Variants in FNDC3B observed in about 807,000 individuals in gnomAD.
FNDC3B encodes the protein fibronectin type III domain containing 3B.
FNDC3B carries 12 observed loss-of-function variants against 151.5 expected under a neutral mutation model. The ratio of observed to expected loss-of-function variants is 0.08; its 90% CI spans 0.05 to 0.13. The LOEUF (loss-of-function observed/expected upper bound fraction) is 0.13, where lower values mean the gene tolerates loss of function less well. Among genes scored for constraint, FNDC3B ranks in the 10% least tolerant of loss-of-function variants. The pLI, the probability that FNDC3B is intolerant of heterozygous loss-of-function variation, is 1.00. For missense variants in FNDC3B, 1,214 were observed against 1,505.3 expected (o/e 0.81, Z 3.20); for synonymous variants, 528 against 549.0 (o/e 0.96, Z 0.54).
chr3:172,356,047 C>T (rs1734079956), intron 22 of FNDC3B, among the ~76,000 whole-genome samples: 1 of 152,156 alleles, frequency 6.6e-6, no homozygotes, highest in Non-Finnish European at 1.5e-5. Context: ...GTTTGTTTTG[C>T]TCATTTGTAC....
rs753414072 is a variant in FNDC3B at position 172,062,195 on chromosome 3, G to C, written c.-29+22424G>C. Among the ~76,000 whole-genome samples the C allele has an allele frequency of 2.0e-5, 3 of 152,110 alleles. No individual in the cohort carries two copies. In the East Asian group the frequency reaches 5.8e-4, roughly 29 times the overall value. On this transcript the variant is annotated intron_variant, in intron 1 of 25. Transcript: ENST00000415807. Reference sequence around the variant, plus strand: ...TCTCTCCTTACCCCTCAGCCCCCTTGCAGGCTATATACAAATTTATTCTTT... The same window carrying C: ...TCTCTCCTTACCCCTCAGCCCCCTTCCAGGCTATATACAAATTTATTCTTT...
chr3:172,297,689 T>A (rs1355764426), intron 8 of FNDC3B, among the ~76,000 whole-genome samples: 1 of 152,054 alleles, frequency 6.6e-6, no homozygotes, highest in Non-Finnish European at 1.5e-5. Context: ...TTAGCCAGGA[T>A]GGTCTCGATC....
intron 2 of FNDC3B, among the ~76,000 whole-genome samples, chr3:172,125,282 G>C (rs920302480): frequency 2.0e-5 from 3 of 152,176 alleles, no homozygotes; most frequent in Non-Finnish European, 4.4e-5. Flanking sequence ...TGGAGGTCAG[G>C]CTTGTGTTTG....
intron 2 of FNDC3B, among the ~76,000 whole-genome samples, chr3:172,129,053 C>T (rs964781535): frequency 6.6e-6 from 1 of 152,136 alleles, no homozygotes. Context: ...GCTACAGCCT[C>T]GACCTCCTGG....
chr3:172,195,780 G>A (rs916795702), intron 3 of FNDC3B, among the ~76,000 whole-genome samples: 3 of 152,192 alleles, frequency 2.0e-5, no homozygotes, highest in African/African-American at 7.2e-5. Context: ...ACAGGAGTGG[G>A]CACAGTTAAG....
At chr3:172,383,687 A>T (rs962219277) in intron 25 of FNDC3B, among the ~76,000 whole-genome samples, 6 of 152,230 alleles carry the variant, frequency 3.9e-5, no homozygotes, top group Non-Finnish European at 8.8e-5. Flanking sequence ...TCTGTAAATC[A>T]CATAATAAAC....
chr3:172,245,928 T>C (rs927406069), intron 4 of FNDC3B, among the ~76,000 whole-genome samples: 3 of 152,228 alleles, frequency 2.0e-5, no homozygotes, highest in African/African-American at 7.2e-5. Context: ...TAAAGATTTC[T>C]GTTTTTTTAA....
chr3:172,171,517 A>G (rs1217679286), intron 3 of FNDC3B, among the ~76,000 whole-genome samples: 2 of 151,404 alleles, frequency 1.3e-5, no homozygotes, highest in African/African-American at 2.4e-5. Flanking sequence ...GGAACACAGT[A>G]TTGGTGGAGA....
chr3:172,048,263 T>G (rs752042583), intron 1 of FNDC3B, among the ~76,000 whole-genome samples: 2 of 152,194 alleles, frequency 1.3e-5, no homozygotes, highest in Non-Finnish European at 1.5e-5. Context: ...TCATTTTCTC[T>G]TAGTATTTTA....
chr3:172,200,567 G>C (rs914764831), intron 3 of FNDC3B, among the ~76,000 whole-genome samples: 1 of 152,190 alleles, frequency 6.6e-6, no homozygotes, highest in Admixed American at 6.5e-5. Context: ...GTTTATGTTA[G>C]ATGCGTTCAC....
At chr3:172,044,283 CTTTTTTTTTT>C (rs767357950) in intron 1 of FNDC3B, among the ~76,000 whole-genome samples, 1 of 110,422 alleles carries the variant, frequency 9.1e-6, no homozygotes, top group African/African-American at 3.8e-5. Flanking sequence ...AATTCCAACT[CTTTTTTTTTT>C]TTTTTTTTTG....
At chr3:172,325,949 A>G (rs899502515) in intron 11 of FNDC3B, among the ~76,000 whole-genome samples, 3 of 152,066 alleles carry the variant, frequency 2.0e-5, no homozygotes, top group African/African-American at 7.2e-5. Context: ...TCAGCCTCCC[A>G]AGTAGCTGGG....
At chr3:172,313,932 G>A (rs1476726619) in intron 11 of FNDC3B, among the ~76,000 whole-genome samples, 1 of 149,718 alleles carries the variant, frequency 6.7e-6, no homozygotes, top group Non-Finnish European at 1.5e-5. Context: ...ACTCTTGAGA[G>A]TAGCTCACTT....
chr3:172,324,361 A>G (rs1402709081), intron 11 of FNDC3B, among the ~76,000 whole-genome samples: 1 of 152,126 alleles, frequency 6.6e-6, no homozygotes, highest in Non-Finnish European at 1.5e-5. Context: ...AGGGTGATGA[A>G]TTGGTGCTCT....
chr3:172,342,835 A>G (rs984019636), intron 17 of FNDC3B, among the ~76,000 whole-genome samples, 176 bp from the exon 18 acceptor site: 5 of 152,246 alleles, frequency 3.3e-5, no homozygotes, highest in African/African-American at 7.2e-5. Context: ...ACACACACAC[A>G]TAAATTTATA....
chr3:172,303,789 T>A (rs1299263618), intron 9 of FNDC3B, among the ~76,000 whole-genome samples: 2 of 152,218 alleles, frequency 1.3e-5, no homozygotes, highest in African/African-American at 2.4e-5. Context: ...TTTTCTTTTC[T>A]ATAAAAGTTA....
chr3:172,220,563 G>C (rs1440408195), intron 3 of FNDC3B, among the ~76,000 whole-genome samples: 1 of 152,006 alleles, frequency 6.6e-6, no homozygotes, highest in African/African-American at 2.4e-5. Context: ...TGTACTTTTG[G>C]TGTCTATAGA....
chr3:172,229,888 C>T (rs1331832351), intron 4 of FNDC3B, among the ~76,000 whole-genome samples: 1 of 152,086 alleles, frequency 6.6e-6, no homozygotes, highest in Non-Finnish European at 1.5e-5. Context: ...GAGAGAGGAA[C>T]ACCAAGACAG....
chr3:172,364,634 C>T (rs867008922), intron 23 of FNDC3B, among the ~76,000 whole-genome samples: 4 of 152,336 alleles, frequency 2.6e-5, no homozygotes, highest in Middle Eastern at 3.4e-3. Flanking sequence ...TTCCATGACA[C>T]GGTGGCTCCT....
Sources: gnomAD v4.1 joint callset for allele counts (sites outside exome capture counted in the v4.1 genomes callset) on GRCh38, gnomAD v4.1.1 for gene constraint, MANE v1.5 for transcripts, NCBI Gene and HGNC (gene_info 2026-07-23, HGNC 2026-07-21) for gene names.